GNA14: variants seen among roughly 807,000 people sequenced by gnomAD.
GNA14 encodes G protein subunit alpha 14.
GNA14 carries 50 observed loss-of-function variants against 42.0 expected under a neutral mutation model. The observed-to-expected ratio is 1.19, with a 90% CI of 0.95 to 1.51. The LOEUF is 1.51. Ranked by LOEUF, GNA14 falls within the 40% of genes most tolerant of loss-of-function variation. The pLI, the probability that GNA14 is intolerant of heterozygous loss-of-function variation, is 0.00. For synonymous variants in GNA14, 173 were observed against 163.1 expected (o/e 1.06, Z -0.46); for missense variants, 473 against 446.2 (o/e 1.06, Z -0.54).
intron 1 of GNA14, among the ~76,000 whole-genome samples, chr9:77,645,253 C>A (rs1246489500): frequency 6.6e-6 from 1 of 152,188 alleles, no homozygotes; most frequent in Non-Finnish European, 1.5e-5. Flanking sequence ...GGCACCTGAG[C>A]AGTGGATGCT....
intron 1 of GNA14, among the ~76,000 whole-genome samples, chr9:77,605,687 C>T (rs1283233034): frequency 6.6e-6 from 1 of 152,072 alleles, no homozygotes; most frequent in African/African-American, 2.4e-5. Context: ...GAAATATAGC[C>T]GACAAAGACC....
In GNA14 at chr9:77,628,999, G is replaced by C. The variant is rs141080573; in HGVS notation, c.124+18671C>G. Among the ~76,000 whole-genome samples, 359 of 151,848 alleles carry C rather than the reference G, an allele frequency of 2.4e-3. 2 individuals carry two copies. The highest frequency in any genetic ancestry group is 4.1e-3 in the Non-Finnish European group (280 of 67,976). ...TTTGCAATCTATCCATCTGACAAAG[G>C]GTTCATATCCAGAATCTACAAGGAA... On this transcript the variant is annotated intron_variant, in intron 1 of 6. Transcript: ENST00000341700.
At chr9:77,603,963 A>AC (rs564204213) in intron 1 of GNA14, among the ~76,000 whole-genome samples, 1,727 of 82,244 alleles carry the variant, frequency 0.021, 37 homozygotes, top group African/African-American at 0.059. Context: ...AAACAAAAAA[A>AC]AAAAAAAAAA....
chr9:77,508,896 TA>T (rs1837115096), intron 2 of GNA14, among the ~76,000 whole-genome samples: 1 of 152,176 alleles, frequency 6.6e-6, no homozygotes, highest in South Asian at 2.1e-4. Context: ...GGTAACATAC[TA>T]AAATGAAAAG....
At position 77,588,290 on chromosome 9, in the gene GNA14, T is replaced by G. The variant is rs558789645; in HGVS notation, c.125-59037A>C. ...TGACACCCCTTCAGTGAACTCCTTT[T>G]CTTCCTTCAGTTAGCCAGTGTCTGT... On this transcript the variant is annotated intron_variant, in intron 1 of 6. Coordinates refer to ENST00000341700, the MANE Select transcript of GNA14 (RefSeq NM_004297.4). Among the ~76,000 whole-genome samples, 9 of 152,338 alleles carry G rather than the reference T, an allele frequency of 5.9e-5. No homozygotes were observed. The South Asian group carries it at 1.9e-3, about 32-fold the overall frequency.
chr9:77,591,359 A>G (rs1823388973), intron 1 of GNA14, among the ~76,000 whole-genome samples: 1 of 152,204 alleles, frequency 6.6e-6, no homozygotes, highest in African/African-American at 2.4e-5. Flanking sequence ...AGTTACAGGA[A>G]GATAGAGTAC....
chr9:77,577,646 T>C (rs1198817404), intron 1 of GNA14, among the ~76,000 whole-genome samples: 1 of 152,154 alleles, frequency 6.6e-6, no homozygotes, highest in Non-Finnish European at 1.5e-5. Flanking sequence ...CTCCTTAAAC[T>C]TCTGATATTC....
chr9:77,646,443 C>T (rs531313464), intron 1 of GNA14, among the ~76,000 whole-genome samples: 4 of 152,206 alleles, frequency 2.6e-5, no homozygotes, highest in East Asian at 1.9e-4. Context: ...CACACCCCCC[C>T]CCAACCCCCA....
intron 3 of GNA14, among the ~76,000 whole-genome samples, chr9:77,433,978 C>T (rs1357168645): frequency 6.6e-6 from 1 of 152,132 alleles, no homozygotes; most frequent in Non-Finnish European, 1.5e-5. Context: ...ACCAGAAAGG[C>T]AGAGGGATAT....
At chr9:77,453,592 C>G (rs1039298871) in intron 2 of GNA14, among the ~76,000 whole-genome samples, 2 of 152,102 alleles carry the variant, frequency 1.3e-5, no homozygotes, top group African/African-American at 4.8e-5. Context: ...GCACCAAACT[C>G]TTAACCATTC....
At chr9:77,485,682 A>T (rs902786093) in intron 2 of GNA14, among the ~76,000 whole-genome samples, 7 of 152,276 alleles carry the variant, frequency 4.6e-5, no homozygotes, top group South Asian at 2.1e-4. Flanking sequence ...CTTCAGAACA[A>T]TGTTTTGTTA....
intron 1 of GNA14, among the ~76,000 whole-genome samples, chr9:77,641,963 T>C (rs1300765983): frequency 3.9e-5 from 6 of 152,254 alleles, no homozygotes; most frequent in Non-Finnish European, 8.8e-5. Flanking sequence ...CCTATGTTGT[T>C]TGTGCTATTC....
Position 77,647,886 on chromosome 9 carries a change from C to T in GNA14, c.-93G>A. Reference sequence around the variant, plus strand: ...TCACCCGGCCAGCATGCGACGGGCACAGGGGTGTGGAAAGAAAAGACGGGG... The same window carrying T: ...TCACCCGGCCAGCATGCGACGGGCATAGGGGTGTGGAAAGAAAAGACGGGG... On this transcript the variant is annotated 5_prime_UTR_variant, in exon 1 of 7. It adds an upstream start codon to the 5' untranslated region. Coordinates refer to ENST00000341700, the MANE Select transcript of GNA14 (RefSeq NM_004297.4). 6.9e-7 allele frequency: 1 copy of T among 1,452,912 alleles called. No individual in the cohort carries two copies. Among genetic ancestry groups the T allele is most frequent in the Non-Finnish European group, 9.3e-7 (1 of 1,078,478 alleles). 90.0% of individuals were successfully genotyped at this position (1,452,912 alleles called of 1,614,324 possible).
chr9:77,514,749 G>T (rs1020053149), intron 2 of GNA14, among the ~76,000 whole-genome samples: 1 of 152,048 alleles, frequency 6.6e-6, no homozygotes, highest in South Asian at 2.1e-4. Flanking sequence ...AAGTAGCTGG[G>T]ACTACAGGCG....
intron 1 of GNA14, among the ~76,000 whole-genome samples, chr9:77,550,220 C>T (rs1356529384): frequency 1.3e-5 from 2 of 152,130 alleles, no homozygotes; most frequent in African/African-American, 4.8e-5. Flanking sequence ...CTATCAATGG[C>T]AATATTTTCT....
intron 1 of GNA14, among the ~76,000 whole-genome samples, chr9:77,572,690 A>G (rs1232686971): frequency 6.6e-6 from 1 of 152,242 alleles, no homozygotes; most frequent in Non-Finnish European, 1.5e-5. Context: ...AATTAAATAT[A>G]TTAAGCAATA....
In GNA14 at chr9:77,647,795, G is replaced by A. The variant is rs762103572; in HGVS notation, c.-2C>T. Reference sequence around the variant, plus strand: ...GGACAGGCAGCAGCAGCCGGCCATGGTGCGCTCAGCTCAGTACCCGACGGG... The same window carrying A: ...GGACAGGCAGCAGCAGCCGGCCATGATGCGCTCAGCTCAGTACCCGACGGG... On this transcript the variant is annotated 5_prime_UTR_variant, in exon 1 of 7. Transcript: ENST00000341700. 8 of 1,607,870 alleles carry A rather than the reference G, an allele frequency of 5.0e-6. No individual in the cohort carries two copies. In the South Asian group the frequency reaches 7.7e-5, roughly 16 times the overall value.
At chr9:77,644,917 C>T (rs1196016388) in intron 1 of GNA14, among the ~76,000 whole-genome samples, 2 of 152,180 alleles carry the variant, frequency 1.3e-5, no homozygotes, top group Non-Finnish European at 2.9e-5. Flanking sequence ...TTTTGTCCTA[C>T]TTTTATGCAA....
intron 5 of GNA14, among the ~76,000 whole-genome samples, chr9:77,426,505 C>T (rs893656708): frequency 6.6e-5 from 10 of 152,072 alleles, no homozygotes; most frequent in African/African-American, 1.9e-4. Flanking sequence ...GGGGTTTCAC[C>T]GTGTTAGCCA....
Sources: gnomAD v4.1 joint callset for allele counts (sites outside exome capture counted in the v4.1 genomes callset) on GRCh38, gnomAD v4.1.1 for gene constraint, MANE v1.5 for transcripts, NCBI Gene and HGNC (gene_info 2026-07-23, HGNC 2026-07-21) for gene names.